The following GHITM variants were observed in gnomAD, a reference collection of about 807,000 sequenced individuals.
GHITM encodes the protein growth hormone inducible transmembrane protein.
GHITM carries 24 observed loss-of-function variants against 38.7 expected under a neutral mutation model. The ratio of observed to expected loss-of-function variants is 0.62; its 90% confidence interval spans 0.45 to 0.87. The LOEUF (loss-of-function observed/expected upper bound fraction) is 0.87, where lower values mean the gene tolerates loss of function less well. GHITM is among the 40% of genes least tolerant of loss of function. The pLI is 0.00. For missense variants in GHITM, 420 were observed against 429.8 expected (o/e 0.98, Z 0.20); for synonymous variants, 154 against 147.8 (o/e 1.04, Z -0.30).
rs922894068 is a variant in GHITM at position 84,153,139 on chromosome 10, T to C, written c.*791T>C. ...GAGAAAATATTCAAAGCATGAAATA[T>C]GTTGCTTTTTCCAGAATACAAACAG... is the stretch of plus-strand genomic sequence containing the variant. On this transcript the variant is annotated 3_prime_UTR_variant, in exon 9 of 9. Coordinates refer to ENST00000372134, the MANE Select transcript of GHITM (RefSeq NM_014394.3). The C allele has an allele frequency of 6.6e-6, 1 of 152,214 alleles. No individual in the cohort carries two copies. Among genetic ancestry groups the C allele is most frequent in the African/African-American group, 2.4e-5 (1 of 41,458 alleles). 9.4% of individuals were successfully genotyped at this position (152,214 alleles called of 1,614,324 possible). A position where few individuals can be genotyped will look rare whatever the true frequency, so the allele number is the denominator to read the frequency against.
At chr10:84,147,549 AT>A (rs1222478972) in intron 5 of GHITM, among the ~76,000 whole-genome samples, 1 of 152,204 alleles carries the variant, frequency 6.6e-6, no homozygotes, top group Non-Finnish European at 1.5e-5. Context: ...CACACAGGAG[AT>A]TGTTGACATC....
intron 6 of GHITM, among the ~76,000 whole-genome samples, chr10:84,149,620 A>G (rs1437308481): frequency 1.3e-5 from 2 of 152,222 alleles, no homozygotes; most frequent in Admixed American, 1.3e-4. Context: ...ACATAAAGAA[A>G]CAGCAGTGTC....
Position 84,150,232 on chromosome 10 carries a change from T to G in GHITM, c.770T>G (p.Val257Gly), listed in dbSNP as rs1841597884. 2 of 1,605,946 alleles carry G rather than the reference T, an allele frequency of 1.2e-6. No individual in the cohort carries two copies. Among genetic ancestry groups the G allele is most frequent in the Non-Finnish European group, 8.5e-7 (1 of 1,175,654 alleles). The part of the protein sequence containing the change: ...PLGVGLGLVF[V>G]SSLGSMFLPP... Reference sequence around the variant, plus strand: ...GGAGTGGGCCTGGGTCTCGTCTTTGTGTCCTCATTGGGTAAGCTGCTGTGT... The same window carrying G: ...GGAGTGGGCCTGGGTCTCGTCTTTGGGTCCTCATTGGGTAAGCTGCTGTGT... The change falls in exon 7 of 9, where the codon GTG (valine) becomes GGG (glycine). Residue 257 changes from valine to glycine, a missense_variant. Val to Gly is a moderately radical substitution (Grantham distance 109, BLOSUM62 -3). Transcript: ENST00000372134.
intron 1 of GHITM, chr10:84,139,842 G>T (rs1024917319): frequency 6.6e-6 from 1 of 152,600 alleles, no homozygotes; most frequent in African/African-American, 2.4e-5. Flanking sequence ...AAGGTGCTGA[G>T]TCATCCTTGC....
intron 2 of GHITM, among the ~76,000 whole-genome samples, chr10:84,141,915 C>T (rs1841510758): frequency 6.7e-6 from 1 of 149,268 alleles, no homozygotes; most frequent in Admixed American, 6.6e-5. Context: ...CATAGTGTAA[C>T]GGAGATCCTG....
intron 6 of GHITM, among the ~76,000 whole-genome samples, 159 bp from the exon 7 acceptor site, chr10:84,149,896 G>A (rs1162584494): frequency 6.6e-6 from 1 of 152,218 alleles, no homozygotes; most frequent in Non-Finnish European, 1.5e-5. Flanking sequence ...ACCAATTTGG[G>A]CTGTAGAATT....
intron 3 of GHITM, among the ~76,000 whole-genome samples, chr10:84,143,320 A>G (rs1841526401): frequency 6.6e-6 from 1 of 152,226 alleles, no homozygotes; most frequent in Admixed American, 6.5e-5. Flanking sequence ...TTACAGTGGG[A>G]GAGAGCCCTA....
Position 84,152,776 on chromosome 10 carries a change from GAGA to G in GHITM, c.*431_*433del, listed in dbSNP as rs1387647477. On this transcript the variant is annotated 3_prime_UTR_variant, in exon 9 of 9. Coordinates refer to ENST00000372134, the MANE Select transcript of GHITM (RefSeq NM_014394.3). Reference sequence around the variant, plus strand: ...TTGGAGCTTTGGTAAAGGGACCAGAGAGAAGGAGTCACCTGCAGTCTTTTGTTT... The same window carrying G: ...TTGGAGCTTTGGTAAAGGGACCAGAGAGGAGTCACCTGCAGTCTTTTGTTT... The G allele has an allele frequency of 6.5e-6, 1 of 154,358 alleles. No homozygotes were observed. The highest frequency in any genetic ancestry group is 1.4e-5 in the Non-Finnish European group (1 of 69,262). The allele number at this position is 154,358 out of a possible 1,614,324, so 9.6% of individuals were successfully genotyped here. A position where few individuals can be genotyped will look rare whatever the true frequency, so the allele number is the denominator to read the frequency against.
Position 84,147,974 on chromosome 10 carries a change from T to A in GHITM, c.484-756T>A, listed in dbSNP as rs540715333. 9.5e-3 allele frequency among the ~76,000 whole-genome samples: 1,446 copies of A among 152,224 alleles called. 11 individuals are homozygous for A. The highest frequency in any genetic ancestry group is 0.017 in the Middle Eastern group (5 of 294). Reference sequence around the variant, plus strand: ...GTTCAAAGTGATGTGCTATATATATTTTTTTTAAAAATTACTAATTTGTAA... The same window carrying A: ...GTTCAAAGTGATGTGCTATATATATATTTTTTAAAAATTACTAATTTGTAA... On this transcript the variant is annotated intron_variant, in intron 5 of 8. Coordinates refer to ENST00000372134, the MANE Select transcript of GHITM (RefSeq NM_014394.3).
In GHITM at chr10:84,141,604, A is replaced by G. The variant is rs757651913; in HGVS notation, c.104A>G (p.Asn35Ser). ...SPVVKNSITK[N>S]QWLLTPSREY... is the part of the protein sequence containing the mutation. Reference sequence around the variant, plus strand: ...GTTGTGAAGAATTCCATCACGAAGAATCAATGGCTGTTAACACCTAGCAGG... The same window carrying G: ...GTTGTGAAGAATTCCATCACGAAGAGTCAATGGCTGTTAACACCTAGCAGG... Residue 35 changes from asparagine (N) to serine (S), a missense_variant, in exon 2 of 9, where the codon AAT becomes AGT. Physicochemically the swap from Asn to Ser is conservative, Grantham distance 46 (BLOSUM62 1). Coordinates refer to ENST00000372134, the MANE Select transcript of GHITM (RefSeq NM_014394.3). 2 of 1,613,846 alleles carry G rather than the reference A, an allele frequency of 1.2e-6. No homozygotes were observed. Among genetic ancestry groups the G allele is most frequent in the Non-Finnish European group, 1.7e-6 (2 of 1,179,806 alleles).
intron 2 of GHITM, among the ~76,000 whole-genome samples, chr10:84,142,059 A>G (rs553355478): frequency 1.3e-5 from 2 of 152,348 alleles, no homozygotes; most frequent in Admixed American, 6.5e-5. Flanking sequence ...ACCCATTTTT[A>G]TAATAGATTT....
intron 5 of GHITM, 79 bp downstream of exon 5, chr10:84,145,095 T>G: frequency 8.8e-7 from 1 of 1,132,830 alleles, no homozygotes; most frequent in Non-Finnish European, 1.2e-6. Context: ...GAAGGGTTAT[T>G]AAATGGAAAG....
intron 3 of GHITM, among the ~76,000 whole-genome samples, chr10:84,143,084 G>C (rs1002819214): frequency 6.6e-6 from 1 of 152,144 alleles, no homozygotes; most frequent in Non-Finnish European, 1.5e-5. Context: ...GTATGTTTCA[G>C]ATTAAGAATA....
chr10:84,148,575 C>T (rs149029507), intron 5 of GHITM, among the ~76,000 whole-genome samples, 155 bp from the exon 6 acceptor site: 2,847 of 152,330 alleles, frequency 0.019, 99 homozygotes, highest in African/African-American at 0.066. Context: ...GGATTGCAGG[C>T]GTGAGCCACC....
At chr10:84,149,167 A>C (rs1841585900) in intron 6 of GHITM, among the ~76,000 whole-genome samples, 1 of 152,216 alleles carries the variant, frequency 6.6e-6, no homozygotes, top group Non-Finnish European at 1.5e-5. Flanking sequence ...ATGTTTAGAA[A>C]AATTAAAAAC....
chr10:84,145,102 A>G, intron 5 of GHITM, 86 bp downstream of exon 5: 5 of 1,040,806 alleles, frequency 4.8e-6, no homozygotes, highest in Non-Finnish European at 6.9e-6. Context: ...TATTAAATGG[A>G]AAGAATACTG....
intron 5 of GHITM, among the ~76,000 whole-genome samples, chr10:84,147,346 C>T (rs922676062): frequency 2.0e-5 from 3 of 152,188 alleles, no homozygotes; most frequent in Admixed American, 1.3e-4. Flanking sequence ...GTCCTTTCAC[C>T]TCAGCCACCC....
intron 1 of GHITM, among the ~76,000 whole-genome samples, chr10:84,141,129 C>T (rs1841501882): frequency 6.6e-6 from 1 of 152,200 alleles, no homozygotes; most frequent in Admixed American, 6.5e-5. Context: ...TTTGTAAAAA[C>T]CATCACAGAC....
In GHITM at chr10:84,148,952, C is replaced by T. The variant is rs891203906; in HGVS notation, c.592+114C>T. The T allele has an allele frequency of 1.2e-5, 8 of 682,522 alleles. No homozygotes were observed. In the African/African-American group the frequency reaches 1.2e-4, roughly 11 times the overall value. 42.3% of individuals were successfully genotyped at this position (682,522 alleles called of 1,614,324 possible). A position where few individuals can be genotyped will look rare whatever the true frequency, so the allele number is the denominator to read the frequency against. On this transcript the variant is annotated intron_variant, in intron 6 of 8. Transcript: ENST00000372134. ...TTTAAGCCTCATGTTTAGAAAACACCATTTTCTTCAGTCATTACTGGCTGC... is the reference window on the plus strand; with the variant it reads ...TTTAAGCCTCATGTTTAGAAAACACTATTTTCTTCAGTCATTACTGGCTGC...
Sources: gnomAD v4.1 joint callset for allele counts (sites outside exome capture counted in the v4.1 genomes callset) on GRCh38, gnomAD v4.1.1 for gene constraint, MANE v1.5 for transcripts, NCBI Gene and HGNC (gene_info 2026-07-23, HGNC 2026-07-21) for gene names.